Variants in RTL4 observed in about 807,000 individuals in gnomAD.
RTL4 encodes retrotransposon Gag like 4.
RTL4 carries 4 observed loss-of-function variants against 5.3 expected under a neutral mutation model. That is an observed-to-expected ratio of 0.75 (90% CI 0.37 to 1.72). The LOEUF is 1.72. Ranked by LOEUF, RTL4 falls within the 40% of genes most tolerant of loss-of-function variation. The pLI, the probability that RTL4 is intolerant of heterozygous loss-of-function variation, is 0.04. For synonymous variants in RTL4, 98 were observed against 87.3 expected (o/e 1.12, Z -0.68); for missense variants, 260 against 227.1 (o/e 1.14, Z -0.93).
At chrX:112,355,233 C>T in the RTL4 span, among the ~76,000 whole-genome samples, 1 of 111,156 alleles carries the variant, frequency 9.0e-6, no homozygotes, top group East Asian at 2.9e-4. Context: ...CTTATATAAC[C>T]TTGACAAAGT....
the RTL4 span, among the ~76,000 whole-genome samples, chrX:112,096,828 T>G: frequency 1.8e-5 from 2 of 112,194 alleles, no homozygotes; most frequent in East Asian, 5.6e-4. Context: ...AATCAGTAAC[T>G]GTCCTGGAGG....
the RTL4 span, among the ~76,000 whole-genome samples, chrX:112,323,980 AT>A: frequency 8.9e-6 from 1 of 112,447 alleles, no homozygotes; most frequent in African/African-American, 3.2e-5. Context: ...TGTATATTCA[AT>A]GCAGAAATTT....
the RTL4 span, among the ~76,000 whole-genome samples, chrX:112,370,223 T>C: frequency 9.0e-6 from 1 of 111,082 alleles, no homozygotes; most frequent in African/African-American, 3.3e-5. Flanking sequence ...AAAAGCCTCT[T>C]ATTTGACCAG....
the RTL4 span, among the ~76,000 whole-genome samples, chrX:112,373,685 A>AATATATAT: frequency 8.7e-3 from 910 of 104,633 alleles, 13 homozygotes; most frequent in African/African-American, 0.03. Flanking sequence ...TGAATTTTGA[A>AATATATAT]ATATATATAT....
At chrX:112,341,120 T>G in the RTL4 span, among the ~76,000 whole-genome samples, 1 of 106,562 alleles carries the variant, frequency 9.4e-6, no homozygotes, top group Middle Eastern at 5.0e-3. Flanking sequence ...TGGAAATATT[T>G]AGAGGACAGA....
At chrX:112,204,953 A>T in the RTL4 span, among the ~76,000 whole-genome samples, 12 of 110,114 alleles carry the variant, frequency 1.1e-4, no homozygotes, top group South Asian at 4.2e-3. Flanking sequence ...CGCACAACTT[A>T]AAAAAAAATA....
the RTL4 span, among the ~76,000 whole-genome samples, chrX:112,309,694 A>G: frequency 3.7e-4 from 40 of 108,082 alleles, no homozygotes; most frequent in South Asian, 8.2e-3. Flanking sequence ...TTGCCCAGGA[A>G]TGTCTTGAAC....
chrX:112,419,595 T>TATA, the RTL4 span, among the ~76,000 whole-genome samples: 24 of 28,159 alleles, frequency 8.5e-4, 1 homozygote, highest in East Asian at 0.024. Context: ...ATATATATAT[T>TATA]TTTACATATG....
At chrX:112,197,152 T>C in the RTL4 span, among the ~76,000 whole-genome samples, 1 of 98,785 alleles carries the variant, frequency 1.0e-5, no homozygotes, top group African/African-American at 3.7e-5. Flanking sequence ...GCAAAGGACC[T>C]GACTAGGCAA....
the RTL4 span, among the ~76,000 whole-genome samples, chrX:112,218,256 C>T: frequency 8.9e-6 from 1 of 111,879 alleles, no homozygotes; most frequent in African/African-American, 3.3e-5. Flanking sequence ...TGTGTCATCC[C>T]TTCCTTGGCT....
the RTL4 span, among the ~76,000 whole-genome samples, chrX:112,205,035 C>T: frequency 9.0e-6 from 1 of 111,634 alleles, no homozygotes; most frequent in East Asian, 2.8e-4. Flanking sequence ...TATTTTGCAA[C>T]CTTGCTGATA....
At chrX:112,134,314 C>T in the RTL4 span, among the ~76,000 whole-genome samples, 2 of 112,055 alleles carry the variant, frequency 1.8e-5, no homozygotes, top group Admixed American at 9.5e-5. Flanking sequence ...ACCACTGGAC[C>T]GCTAACACTC....
chrX:112,393,505 AG>A, the RTL4 span, among the ~76,000 whole-genome samples: 1 of 111,783 alleles, frequency 8.9e-6, no homozygotes, highest in African/African-American at 3.3e-5. Context: ...GAACATCAAT[AG>A]GGGTGGCTGG....
the RTL4 span, among the ~76,000 whole-genome samples, chrX:112,104,501 T>C: frequency 2.7e-5 from 3 of 111,912 alleles, no homozygotes; most frequent in Admixed American, 9.5e-5. Flanking sequence ...TATACTAATT[T>C]ATCTTCCTAC....
At chrX:112,214,857 T>C in the RTL4 span, among the ~76,000 whole-genome samples, 2 of 110,339 alleles carry the variant, frequency 1.8e-5, no homozygotes, top group African/African-American at 6.6e-5. Context: ...GGTGCGATCT[T>C]GGCTCACTGC....
the RTL4 span, among the ~76,000 whole-genome samples, chrX:112,161,828 C>T: frequency 8.0e-3 from 270 of 33,827 alleles, 3 homozygotes; most frequent in African/African-American, 0.021. Flanking sequence ...TTCCTTCCTT[C>T]CTTCCTTCCT....
the RTL4 span, among the ~76,000 whole-genome samples, chrX:112,090,702 T>C: frequency 9.0e-6 from 1 of 111,413 alleles, no homozygotes; most frequent in Non-Finnish European, 1.9e-5. Context: ...TATTGGTCTG[T>C]AGTTTTGTTT....
chrX:112,388,579 A>T, the RTL4 span, among the ~76,000 whole-genome samples: 14 of 112,062 alleles, frequency 1.2e-4, no homozygotes, highest in Admixed American at 1.3e-3. Context: ...ATTTTGAGGT[A>T]TGTTACTTTG....
the RTL4 span, among the ~76,000 whole-genome samples, chrX:112,196,447 G>A: frequency 8.9e-6 from 1 of 112,061 alleles, no homozygotes; most frequent in Admixed American, 9.5e-5. Context: ...CTATGAGCAT[G>A]TATATACAGG....
Sources: gnomAD v4.1 joint callset for allele counts (sites outside exome capture counted in the v4.1 genomes callset) on GRCh38, gnomAD v4.1.1 for gene constraint, MANE v1.5 for transcripts, NCBI Gene and HGNC (gene_info 2026-07-23, HGNC 2026-07-21) for gene names.